Variants in RBPJ observed in about 807,000 individuals in gnomAD.
The protein encoded by RBPJ is recombining binding protein suppressor of hairless.
A neutral mutation model predicts 67.8 loss-of-function variants in RBPJ; 9 were observed. That is an observed-to-expected ratio of 0.13 (90% CI 0.08 to 0.23). The LOEUF (loss-of-function observed/expected upper bound fraction) is 0.23. Ranked by LOEUF, RBPJ falls within the 10% of genes least tolerant of loss-of-function variation. The probability of loss-of-function intolerance (pLI) is 1.00; values close to 1 mark genes in which losing one functional copy is unlikely to be tolerated. For missense variants in RBPJ, 305 were observed against 595.6 expected, an observed-to-expected ratio of 0.51 and a Z score of 5.08; for synonymous variants, 198 against 203.3, an observed-to-expected ratio of 0.97 and a Z score of 0.22.
At chr4:26,385,463 T>C (rs1315134394) in intron 1 of RBPJ, among the ~76,000 whole-genome samples, 1 of 152,224 alleles carries the variant, frequency 6.6e-6, no homozygotes, top group Non-Finnish European at 1.5e-5. Context: ...CAAGTAAATA[T>C]GGAATCATGG....
intron 2 of RBPJ, among the ~76,000 whole-genome samples, chr4:26,395,156 G>T (rs1272883037): frequency 1.3e-5 from 2 of 152,232 alleles, no homozygotes; most frequent in East Asian, 3.9e-4. Flanking sequence ...TAAGGTGAAG[G>T]TTAAGAAACT....
rs1375915816 is a variant in RBPJ, at chr4:26,430,551, A to G, written c.1148+29A>G. 2.4e-5 allele frequency: 37 copies of G among 1,559,010 alleles called. No homozygotes were observed. Among genetic ancestry groups the G allele is most frequent in the Non-Finnish European group, 3.1e-5 (36 of 1,144,246 alleles). ...CTTGATAAAACTTTTTGCATCATCC[A>G]GAGGTTGTGAGGGGTGTGGGTACAG... On this transcript the variant is annotated intron_variant, in intron 10 of 10. Transcript: ENST00000355476. The surrounding 1 kb of genome is among the most constrained non-coding windows in gnomAD (Gnocchi z 4.1).
chr4:26,174,334 G>A (rs905007150), intron 1 of RBPJ, among the ~76,000 whole-genome samples: 13 of 152,302 alleles, frequency 8.5e-5, no homozygotes, highest in Non-Finnish European at 1.6e-4. Context: ...CTGACACGGC[G>A]TAAATTTCTC....
At chr4:26,142,148 G>A in the RBPJ span, among the ~76,000 whole-genome samples, 1 of 152,358 alleles carries the variant, frequency 6.6e-6, no homozygotes, top group East Asian at 1.9e-4. Flanking sequence ...ACTGCTAAGG[G>A]CATCTGTTCT....
At chr4:26,164,132 CA>C (rs1456534266) in intron 1 of RBPJ, among the ~76,000 whole-genome samples, 8 of 152,164 alleles carry the variant, frequency 5.3e-5, no homozygotes, top group African/African-American at 1.9e-4. Context: ...CATCTGAAAG[CA>C]GGATGTTGTC....
chr4:26,230,026 A>C (rs1023600713), intron 1 of RBPJ, among the ~76,000 whole-genome samples: 1 of 151,952 alleles, frequency 6.6e-6, no homozygotes, highest in African/African-American at 2.4e-5. Context: ...CCACCTCTGC[A>C]AAAAAATACA....
the RBPJ span, among the ~76,000 whole-genome samples, chr4:26,152,217 T>C: frequency 1.3e-5 from 2 of 152,242 alleles, no homozygotes; most frequent in African/African-American, 2.4e-5. Flanking sequence ...GGAGTGGCTA[T>C]GGGACTTGTG....
chr4:26,183,222 T>C (rs550825278), intron 1 of RBPJ, among the ~76,000 whole-genome samples: 7 of 152,210 alleles, frequency 4.6e-5, no homozygotes, highest in Non-Finnish European at 8.8e-5. Flanking sequence ...GCATTACTCA[T>C]AAACATGTGA....
intron 1 of RBPJ, among the ~76,000 whole-genome samples, chr4:26,288,798 A>G (rs145380077): frequency 1.3e-5 from 2 of 152,322 alleles, no homozygotes; most frequent in East Asian, 3.9e-4. Flanking sequence ...CCCCAGTGGA[A>G]CAACAGCATT....
intron 1 of RBPJ, among the ~76,000 whole-genome samples, chr4:26,225,125 C>T (rs1037469012): frequency 2.0e-5 from 3 of 152,110 alleles, no homozygotes; most frequent in African/African-American, 7.2e-5. Context: ...ACTTCAATAC[C>T]TATCGGGAAC....
intron 1 of RBPJ, among the ~76,000 whole-genome samples, chr4:26,255,664 T>C (rs1302985815): frequency 6.7e-6 from 1 of 150,192 alleles, no homozygotes; most frequent in Non-Finnish European, 1.5e-5. Flanking sequence ...TAGCCAGGCG[T>C]GGTGGCAGGT....
the RBPJ span, chr4:26,113,972 CT>C: frequency 6.5e-6 from 1 of 152,926 alleles, no homozygotes; most frequent in South Asian, 2.1e-4. Flanking sequence ...AAAATTAAAC[CT>C]TTTCATTAGG....
At chr4:26,246,016 T>C (rs916208201) in intron 1 of RBPJ, among the ~76,000 whole-genome samples, 1 of 152,236 alleles carries the variant, frequency 6.6e-6, no homozygotes, top group Non-Finnish European at 1.5e-5. Flanking sequence ...AAACTTGTTC[T>C]TCTTTAAAAG....
the RBPJ span, among the ~76,000 whole-genome samples, chr4:26,110,893 T>G: frequency 6.6e-6 from 1 of 152,184 alleles, no homozygotes; most frequent in African/African-American, 2.4e-5. This position sits in a 1 kb window ranked among gnomAD's most constrained non-coding sequence, Gnocchi z 4.5. Flanking sequence ...TTCTGACACT[T>G]GGTCCTAGGG....
intron 1 of RBPJ, among the ~76,000 whole-genome samples, chr4:26,280,505 A>G (rs1056484946): frequency 6.6e-6 from 1 of 152,016 alleles, no homozygotes; most frequent in African/African-American, 2.4e-5. Context: ...AGGAGACCAT[A>G]CTTTTTAAAC....
intron 1 of RBPJ, among the ~76,000 whole-genome samples, chr4:26,329,089 G>T (rs1010028424): frequency 6.6e-6 from 1 of 152,178 alleles, no homozygotes; most frequent in South Asian, 2.1e-4. Context: ...TGCCTCCCGG[G>T]TTCAAATGAT....
At chr4:26,414,743 CAGA>C (rs1436420399) in intron 3 of RBPJ, among the ~76,000 whole-genome samples, 7 of 152,256 alleles carry the variant, frequency 4.6e-5, no homozygotes, top group Non-Finnish European at 8.8e-5. Context: ...AAATCATTCT[CAGA>C]AGAACTTGTG....
intron 1 of RBPJ, among the ~76,000 whole-genome samples, chr4:26,301,178 C>A (rs904128528): frequency 6.6e-6 from 1 of 152,134 alleles, no homozygotes; most frequent in Non-Finnish European, 1.5e-5. Flanking sequence ...TGCAAATGAT[C>A]CCAGAAGTTA....
intron 1 of RBPJ, among the ~76,000 whole-genome samples, chr4:26,383,489 T>C (rs565578640): frequency 5.8e-4 from 88 of 152,332 alleles, no homozygotes; most frequent in South Asian, 2.3e-3. Flanking sequence ...TAACTGTGTG[T>C]CTCTAAAATT....
Sources: gnomAD v4.1 joint callset for allele counts (sites outside exome capture counted in the v4.1 genomes callset) on GRCh38, gnomAD v4.1.1 for gene constraint, Gnocchi (gnomAD v3.1) non-coding constraint, MANE v1.5 for transcripts, NCBI Gene and HGNC (gene_info 2026-07-23, HGNC 2026-07-21) for gene names.